Variants in KIF16B observed in about 807,000 individuals in gnomAD.
The protein encoded by KIF16B is kinesin family member 16B.
KIF16B carries 98 observed loss-of-function variants against 156.3 expected under a neutral mutation model. The observed-to-expected ratio is 0.63, with a 90% confidence interval of 0.53 to 0.74. The LOEUF is 0.74. Ranked by LOEUF, KIF16B falls within the 30% of genes least tolerant of loss-of-function variation. The pLI is 0.00. For synonymous variants in KIF16B, 564 were observed against 583.7 expected, an observed-to-expected ratio of 0.97 and a Z score of 0.49; for missense variants, 1,421 against 1,606.5, an observed-to-expected ratio of 0.88 and a Z score of 1.97.
intron 12 of KIF16B, among the ~76,000 whole-genome samples, chr20:16,493,097 T>A (rs533472129): frequency 6.6e-6 from 1 of 152,264 alleles, no homozygotes; most frequent in Admixed American, 6.5e-5. Context: ...CTCAAAATAA[T>A]ATGACATTAT....
intron 1 of KIF16B, among the ~76,000 whole-genome samples, chr20:16,560,717 C>T (rs1448485172): frequency 2.0e-5 from 3 of 151,678 alleles, no homozygotes; most frequent in Non-Finnish European, 1.5e-5. Flanking sequence ...CCTGGGAGGT[C>T]AACGCTGCAG....
chr20:16,369,132 G>A (rs552461431), intron 22 of KIF16B: 203 of 985,802 alleles, frequency 2.1e-4, no homozygotes, highest in Middle Eastern at 5.2e-4. Flanking sequence ...GGCCTGAGAC[G>A]CTCCACAGCA....
At chr20:16,475,525 G>T (rs538086049) in intron 12 of KIF16B, among the ~76,000 whole-genome samples, 1 of 152,322 alleles carries the variant, frequency 6.6e-6, no homozygotes, top group African/African-American at 2.4e-5. Context: ...AATTCGATCT[G>T]AATATCTATG....
At chr20:16,479,528 T>C (rs1044566341) in intron 12 of KIF16B, among the ~76,000 whole-genome samples, 2 of 151,782 alleles carry the variant, frequency 1.3e-5, no homozygotes, top group African/African-American at 4.9e-5. Context: ...AAAAAAAAAT[T>C]AATATTGAAT....
At chr20:16,286,491 A>T (rs1053585279) in intron 25 of KIF16B, among the ~76,000 whole-genome samples, 8 of 109,952 alleles carry the variant, frequency 7.3e-5, no homozygotes, top group Non-Finnish European at 1.4e-4. Flanking sequence ...GTAGCTGAGG[A>T]ATCTTAGCTA....
chr20:16,561,162 C>T (rs1319092564), intron 1 of KIF16B, among the ~76,000 whole-genome samples: 1 of 151,832 alleles, frequency 6.6e-6, no homozygotes, highest in Non-Finnish European at 1.5e-5. Flanking sequence ...GGCGTGGTGG[C>T]GGGTATCTGT....
chr20:16,417,636 C>T (rs2066123211), intron 15 of KIF16B, among the ~76,000 whole-genome samples: 1 of 151,930 alleles, frequency 6.6e-6, no homozygotes, highest in Non-Finnish European at 1.5e-5. Context: ...ATAAATGTTT[C>T]AATACTCTTG....
chr20:16,310,257 C>G (rs1301882226), intron 25 of KIF16B, among the ~76,000 whole-genome samples: 1 of 152,190 alleles, frequency 6.6e-6, no homozygotes, highest in Non-Finnish European at 1.5e-5. Flanking sequence ...CTTGCCTAGG[C>G]AGAGACATTA....
At chr20:16,277,459 T>TTATATATATATATATATA (rs60624017) in intron 25 of KIF16B, among the ~76,000 whole-genome samples, 1 of 143,906 alleles carries the variant, frequency 6.9e-6, no homozygotes, top group African/African-American at 2.5e-5. Flanking sequence ...TATGTACATA[T>TTATATATATATATATATA]TATATATATA....
In KIF16B at chr20:16,331,532, C is replaced by G. The variant is rs145066597; in HGVS notation, c.3711+4394G>C. Among the ~76,000 whole-genome samples the G allele has an allele frequency of 4.7e-3, 715 of 152,236 alleles. 2 individuals are homozygous for G. Among genetic ancestry groups the G allele is most frequent in the Non-Finnish European group, 6.8e-3 (464 of 67,988 alleles). The stretch of plus-strand genomic sequence containing the variant: ...TCTTAGCTTGATTAAAATTTTGGAG[C>G]CTTGTATGGCTAGGTAAATTTAATA... On this transcript the variant is annotated intron_variant, in intron 24 of 25. Coordinates refer to ENST00000354981, the MANE Select transcript of KIF16B (RefSeq NM_024704.5).
intron 14 of KIF16B, among the ~76,000 whole-genome samples, chr20:16,427,779 C>T (rs951045252): frequency 2.0e-5 from 3 of 152,232 alleles, no homozygotes; most frequent in African/African-American, 7.2e-5. Context: ...TGCCTGTTGC[C>T]TGAGCCTGTG....
chr20:16,523,785 A>G (rs1329567553), intron 3 of KIF16B, among the ~76,000 whole-genome samples: 1 of 152,216 alleles, frequency 6.6e-6, no homozygotes, highest in East Asian at 1.9e-4. Flanking sequence ...ACTTCAAACT[A>G]TACTACAAGG....
intron 12 of KIF16B, among the ~76,000 whole-genome samples, chr20:16,481,354 C>T: frequency 6.6e-6 from 1 of 152,256 alleles, no homozygotes; most frequent in African/African-American, 2.4e-5. Flanking sequence ...TGCCACCTGT[C>T]TGGTTAATTT....
chr20:16,336,430 T>C (rs2064038592), intron 23 of KIF16B, among the ~76,000 whole-genome samples: 1 of 152,202 alleles, frequency 6.6e-6, no homozygotes. Flanking sequence ...CAGCCTTTAA[T>C]AGGCTAGCTG....
chr20:16,368,901 C>G, intron 22 of KIF16B: 1 of 985,832 alleles, frequency 1.0e-6, no homozygotes, highest in Non-Finnish European at 1.2e-6. Context: ...GAGTCATCAG[C>G]TCACTGAAAT....
At position 16,284,629 on chromosome 20, in the gene KIF16B, C is replaced by T. The variant is rs143572626; in HGVS notation, c.3796-11218G>A. 3.0e-4 allele frequency among the ~76,000 whole-genome samples: 45 copies of T among 152,278 alleles called. No individual in the cohort carries two copies. In the South Asian group the frequency reaches 3.3e-3, roughly 11 times the overall value. Reference sequence around the variant, plus strand: ...AAGCACACAGGGACACTCTCCCTTTCGCCATGTCGTGTAGCACAATCACAG... The same window carrying T: ...AAGCACACAGGGACACTCTCCCTTTTGCCATGTCGTGTAGCACAATCACAG... On this transcript the variant is annotated intron_variant, in intron 25 of 25. Transcript: ENST00000354981.
intron 17 of KIF16B, among the ~76,000 whole-genome samples, chr20:16,391,997 A>T (rs2065378651): frequency 6.6e-6 from 1 of 152,238 alleles, no homozygotes; most frequent in South Asian, 2.1e-4. Flanking sequence ...CTGAGTGAGG[A>T]GATGGTGTCA....
intron 22 of KIF16B, among the ~76,000 whole-genome samples, chr20:16,361,957 A>T (rs993594000): frequency 6.6e-6 from 1 of 152,226 alleles, no homozygotes; most frequent in Non-Finnish European, 1.5e-5. Context: ...CATTGTATTA[A>T]GTGGTCATCA....
At chr20:16,290,758 A>T (rs2063303388) in intron 25 of KIF16B, among the ~76,000 whole-genome samples, 2 of 152,120 alleles carry the variant, frequency 1.3e-5, no homozygotes, top group South Asian at 4.2e-4. Flanking sequence ...TAGGGATTTG[A>T]ATTATTTGCA....
Sources: gnomAD v4.1 joint callset for allele counts (sites outside exome capture counted in the v4.1 genomes callset) on GRCh38, gnomAD v4.1.1 for gene constraint, MANE v1.5 for transcripts, NCBI Gene and HGNC (gene_info 2026-07-23, HGNC 2026-07-21) for gene names.